The following KAT2B variants were observed in gnomAD, a reference collection of about 807,000 sequenced individuals.
The protein encoded by KAT2B is histone acetyltransferase KAT2B.
Under a neutral mutation model 105.9 loss-of-function variants are expected in KAT2B, and 36 were observed. That is an observed-to-expected ratio of 0.34 (90% CI 0.26 to 0.45). The LOEUF (loss-of-function observed/expected upper bound fraction) is 0.45, where lower values mean the gene tolerates loss of function less well. Among genes scored for constraint, KAT2B ranks in the 20% least tolerant of loss-of-function variants. The pLI is 1.00. For synonymous variants in KAT2B, 397 were observed against 377.9 expected (o/e 1.05, Z -0.59); for missense variants, 820 against 1,021.6 (o/e 0.80, Z 2.69).
intron 13 of KAT2B, among the ~76,000 whole-genome samples, chr3:20,143,541 C>G (rs776321993): frequency 1.3e-5 from 2 of 151,906 alleles, no homozygotes; most frequent in African/African-American, 4.8e-5. Context: ...AGCATATACC[C>G]GAAGGAAAAT....
At chr3:20,089,387 G>A (rs564136739) in intron 2 of KAT2B, among the ~76,000 whole-genome samples, 1 of 145,272 alleles carries the variant, frequency 6.9e-6, no homozygotes, top group South Asian at 2.2e-4. Flanking sequence ...TCACTTATTC[G>A]TGTCTTCTTC....
intron 11 of KAT2B, among the ~76,000 whole-genome samples, chr3:20,134,589 AG>A (rs1409530344): frequency 1.3e-5 from 2 of 152,058 alleles, no homozygotes; most frequent in Non-Finnish European, 2.9e-5. Context: ...TTGTATTTTT[AG>A]TAGAGATGGG....
intron 12 of KAT2B, 112 bp downstream of exon 12, chr3:20,137,164 G>C: frequency 1.6e-6 from 1 of 629,032 alleles, no homozygotes. Flanking sequence ...ATAAGAACAG[G>C]CATTTGTTTT....
At chr3:20,045,694 G>A (rs1251271072) in intron 1 of KAT2B, among the ~76,000 whole-genome samples, 1 of 152,094 alleles carries the variant, frequency 6.6e-6, no homozygotes, top group African/African-American at 2.4e-5. Flanking sequence ...GAGGCAATAG[G>A]GTATAGTGGC....
intron 11 of KAT2B, among the ~76,000 whole-genome samples, chr3:20,132,418 T>G (rs1447550877): frequency 6.6e-6 from 1 of 152,168 alleles, no homozygotes; most frequent in African/African-American, 2.4e-5. Context: ...AGCTTTAAAA[T>G]TATGTAGCTA....
intron 12 of KAT2B, among the ~76,000 whole-genome samples, chr3:20,138,239 G>A (rs1007387817): frequency 1.3e-5 from 2 of 151,932 alleles, no homozygotes; most frequent in South Asian, 2.1e-4. Context: ...TTTCCTCTCA[G>A]CTCATACCTA....
chr3:20,072,220 T>G, intron 1 of KAT2B, 113 bp from the exon 2 acceptor site: 1 of 1,110,324 alleles, frequency 9.0e-7, no homozygotes, highest in Non-Finnish European at 1.3e-6. Context: ...GACGACAAAG[T>G]CAGGGGTGAG....
At position 20,105,790 on chromosome 3, in the gene KAT2B, G is replaced by A. The variant is rs182539870; in HGVS notation, c.851+4322G>A. 6.5e-4 allele frequency among the ~76,000 whole-genome samples: 80 copies of A among 122,674 alleles called. 1 individual carries two copies. Among genetic ancestry groups the A allele is most frequent in the Middle Eastern group, 5.1e-3 (1 of 198 alleles). The allele number at this position is 122,674 out of a possible 152,430, so 80.5% of individuals were successfully genotyped here. ...CACTCCGGCCTGGGTGACAGAGCAC[G>A]ACCCTGTCTGAAAAAAAAAAAAAAA... On this transcript the variant is annotated intron_variant, in intron 5 of 17. Coordinates refer to ENST00000263754, the MANE Select transcript of KAT2B (RefSeq NM_003884.5).
intron 1 of KAT2B, among the ~76,000 whole-genome samples, chr3:20,045,368 A>G (rs1697791801): frequency 6.8e-6 from 1 of 147,340 alleles, no homozygotes; most frequent in South Asian, 2.1e-4. Flanking sequence ...TATTTATTTT[A>G]GAGACAGGGT....
chr3:20,090,124 G>A (rs139598012), intron 2 of KAT2B, among the ~76,000 whole-genome samples: 1 of 152,184 alleles, frequency 6.6e-6, no homozygotes, highest in East Asian at 1.9e-4. Flanking sequence ...AGGGTTTTCT[G>A]TTTATAAAAT....
intron 1 of KAT2B, among the ~76,000 whole-genome samples, chr3:20,062,133 A>AAACATATATATAT (rs1559514147): frequency 3.1e-5 from 3 of 95,504 alleles, no homozygotes; most frequent in African/African-American, 1.4e-4. Flanking sequence ...TATATATATA[A>AAACATATATATAT]AATATATAAT....
intron 7 of KAT2B, among the ~76,000 whole-genome samples, chr3:20,118,980 G>T (rs940369828): frequency 2.0e-5 from 3 of 151,656 alleles, no homozygotes; most frequent in African/African-American, 7.3e-5. Flanking sequence ...TTCTGTTTTT[G>T]CCTCTTGTCT....
chr3:20,050,199 CAA>C (rs11298850), intron 1 of KAT2B, among the ~76,000 whole-genome samples: 109 of 103,956 alleles, frequency 1.0e-3, no homozygotes, highest in Middle Eastern at 5.0e-3. Context: ...GACCCTGTCT[CAA>C]AAAAAAAAAA....
intron 11 of KAT2B, among the ~76,000 whole-genome samples, chr3:20,128,692 A>C (rs1699453846): frequency 6.6e-6 from 1 of 152,096 alleles, no homozygotes; most frequent in Admixed American, 6.6e-5. Context: ...AGAAAAGGGA[A>C]CCAGAAAACA....
At chr3:20,117,862 A>G (rs1699233477) in intron 7 of KAT2B, among the ~76,000 whole-genome samples, 1 of 152,290 alleles carries the variant, frequency 6.6e-6, no homozygotes, top group East Asian at 1.9e-4. Flanking sequence ...ACTTTGTACA[A>G]TGGCCTTTTC....
At chr3:20,086,592 C>T (rs1217151575) in intron 2 of KAT2B, among the ~76,000 whole-genome samples, 1 of 152,082 alleles carries the variant, frequency 6.6e-6, no homozygotes, top group African/African-American at 2.4e-5. Flanking sequence ...CCAAGGGAGA[C>T]CCTGTCTTGA....
chr3:20,077,962 C>A (rs1394048631), intron 2 of KAT2B, among the ~76,000 whole-genome samples: 4 of 152,052 alleles, frequency 2.6e-5, no homozygotes, highest in Non-Finnish European at 5.9e-5. Context: ...ATTGTTTGAG[C>A]CCAGGAATTC....
chr3:20,078,877 CTT>C (rs200121446), intron 2 of KAT2B, among the ~76,000 whole-genome samples: 14 of 133,676 alleles, frequency 1.0e-4, no homozygotes, highest in Admixed American at 1.5e-4. Flanking sequence ...ACTCCCAGAG[CTT>C]TTTTTTTTTT....
chr3:20,050,376 G>A (rs1697895452), intron 1 of KAT2B, among the ~76,000 whole-genome samples: 1 of 151,836 alleles, frequency 6.6e-6, no homozygotes, highest in South Asian at 2.1e-4. Context: ...ATACATCTAT[G>A]CAACTGCCAC....
Sources: gnomAD v4.1 joint callset for allele counts (sites outside exome capture counted in the v4.1 genomes callset) on GRCh38, gnomAD v4.1.1 for gene constraint, MANE v1.5 for transcripts, NCBI Gene and HGNC (gene_info 2026-07-23, HGNC 2026-07-21) for gene names.